The following MAP2K1 variants were observed in gnomAD, a reference collection of about 807,000 sequenced individuals.
The protein encoded by MAP2K1 is dual specificity mitogen-activated protein kinase kinase 1.
MAP2K1 carries 16 observed loss-of-function variants against 46.3 expected under a neutral mutation model. That is an observed-to-expected ratio of 0.35 (90% CI 0.23 to 0.52). The LOEUF (loss-of-function observed/expected upper bound fraction) is 0.52, where lower values mean the gene tolerates loss of function less well. Among genes scored for constraint, MAP2K1 ranks in the 20% least tolerant of loss-of-function variants. The pLI, the probability that MAP2K1 is intolerant of heterozygous loss-of-function variation, is 0.94. For synonymous variants in MAP2K1, 183 were observed against 185.6 expected (o/e 0.99, Z 0.11); for missense variants, 263 against 497.1 (o/e 0.53, Z 4.48).
chr15:66,423,305 G>T (rs879864829), intron 1 of MAP2K1, among the ~76,000 whole-genome samples: 5 of 152,042 alleles, frequency 3.3e-5, no homozygotes, highest in Admixed American at 1.3e-4. Flanking sequence ...ATTAATCATA[G>T]TTATTTTAAG....
chr15:66,468,559 G>A (rs1156782967), intron 5 of MAP2K1, among the ~76,000 whole-genome samples: 1 of 152,102 alleles, frequency 6.6e-6, no homozygotes, highest in Non-Finnish European at 1.5e-5. Context: ...ATCTTAACTG[G>A]ATCTCTGAGT....
chr15:66,446,528 C>T (rs189813259), intron 5 of MAP2K1: 77 of 183,152 alleles, frequency 4.2e-4, no homozygotes, highest in African/African-American at 1.8e-3. Flanking sequence ...CAGAATTTGG[C>T]ACAAACTATG....
At chr15:66,402,094 C>T (rs2093383189) in intron 1 of MAP2K1, 4 of 840,108 alleles carry the variant, frequency 4.8e-6, no homozygotes, top group Non-Finnish European at 6.9e-6. Context: ...GTGGTTACTA[C>T]ATTGTTCCAT....
intron 1 of MAP2K1, among the ~76,000 whole-genome samples, chr15:66,420,775 A>G (rs184412119): frequency 0.19 from 5,057 of 26,288 alleles, 1,001 homozygotes; most frequent in South Asian, 0.32. Context: ...GTGTATATAT[A>G]TGTGTATATA....
intron 3 of MAP2K1, among the ~76,000 whole-genome samples, chr15:66,442,529 A>ACTT (rs2093507273): frequency 6.6e-6 from 1 of 152,024 alleles, no homozygotes; most frequent in Admixed American, 6.6e-5. Flanking sequence ...TGTCTGTATC[A>ACTT]CTTTCTTAGG....
intron 5 of MAP2K1, among the ~76,000 whole-genome samples, chr15:66,463,358 C>G (rs964877469): frequency 1.3e-5 from 2 of 152,178 alleles, no homozygotes. Flanking sequence ...GGTGTGAACC[C>G]CAAATATCTG....
At chr15:66,421,007 G>A (rs1331094045) in intron 1 of MAP2K1, among the ~76,000 whole-genome samples, 1 of 13,802 alleles carries the variant, frequency 7.2e-5, no homozygotes, top group East Asian at 2.6e-3. Flanking sequence ...ATATACACGT[G>A]CATATATATA....
chr15:66,422,641 T>G (rs1181790057), intron 1 of MAP2K1, among the ~76,000 whole-genome samples: 1 of 152,198 alleles, frequency 6.6e-6, no homozygotes, highest in East Asian at 1.9e-4. Context: ...ATAAATGACT[T>G]TAAGGTTGAC....
intron 1 of MAP2K1, among the ~76,000 whole-genome samples, chr15:66,392,692 T>C (rs1262444336): frequency 6.6e-6 from 1 of 151,874 alleles, no homozygotes; most frequent in Non-Finnish European, 1.5e-5. Context: ...TAGCTGGGAT[T>C]ACAGGCATGT....
intron 1 of MAP2K1, among the ~76,000 whole-genome samples, chr15:66,399,665 C>T (rs2093376899): frequency 6.6e-6 from 1 of 152,160 alleles, no homozygotes; most frequent in Non-Finnish European, 1.5e-5. Context: ...GGCACGATCT[C>T]ATGTCACTGC....
At chr15:66,488,438 C>G (rs1893124606) in intron 8 of MAP2K1, among the ~76,000 whole-genome samples, 1 of 152,138 alleles carries the variant, frequency 6.6e-6, no homozygotes, top group African/African-American at 2.4e-5. Flanking sequence ...TACATCAGAG[C>G]AGTGACATCA....
chr15:66,433,730 A>G (rs1451700554), intron 1 of MAP2K1, among the ~76,000 whole-genome samples: 1 of 152,138 alleles, frequency 6.6e-6, no homozygotes, highest in African/African-American at 2.4e-5. Flanking sequence ...CAACATGATG[A>G]TGTATAATGA....
At chr15:66,468,506 A>G (rs1182913097) in intron 5 of MAP2K1, among the ~76,000 whole-genome samples, 1 of 152,228 alleles carries the variant, frequency 6.6e-6, no homozygotes. Context: ...AATCTATCAT[A>G]GGATTGTATA....
At chr15:66,452,294 AAAAAAAAAAG>A (rs1294820449) in intron 5 of MAP2K1, among the ~76,000 whole-genome samples, 8 of 27,274 alleles carry the variant, frequency 2.9e-4, no homozygotes, top group South Asian at 1.9e-3. Flanking sequence ...TAATAAAAAA[AAAAAAAAAAG>A]AAAAAAAAAA....
chr15:66,426,857 G>C (rs1358966177), intron 1 of MAP2K1, among the ~76,000 whole-genome samples: 4 of 152,172 alleles, frequency 2.6e-5, no homozygotes, highest in Non-Finnish European at 5.9e-5. Flanking sequence ...ATATCCTTCT[G>C]TAGTGTTACA....
intron 1 of MAP2K1, among the ~76,000 whole-genome samples, chr15:66,403,657 A>G (rs1028969174): frequency 6.6e-6 from 1 of 152,214 alleles, no homozygotes; most frequent in African/African-American, 2.4e-5. Flanking sequence ...TTCAGGTTAA[A>G]TTTAGAAATT....
At chr15:66,419,899 C>CA (rs35562020) in intron 1 of MAP2K1, among the ~76,000 whole-genome samples, 127,076 of 150,494 alleles carry the variant, frequency 0.84, 54,880 homozygotes, top group East Asian at 1. Flanking sequence ...ATGACATAAA[C>CA]AAAAAAAAAG....
chr15:66,483,748 C>CT (rs750947705), intron 6 of MAP2K1, among the ~76,000 whole-genome samples: 4,379 of 130,996 alleles, frequency 0.033, 190 homozygotes, highest in African/African-American at 0.069. Flanking sequence ...CATACATTTT[C>CT]TTTTTTTTTT....
chr15:66,461,515 A>AATAG (rs71287023), intron 5 of MAP2K1, among the ~76,000 whole-genome samples: 2 of 142,484 alleles, frequency 1.4e-5, no homozygotes, highest in Non-Finnish European at 3.2e-5. Context: ...TAAATAAATA[A>AATAG]TAAAATAATA....
Sources: allele counts gnomAD v4.1 joint callset (sites outside exome capture counted in the v4.1 genomes callset), GRCh38; gene constraint gnomAD v4.1.1; transcripts MANE v1.5; gene names NCBI Gene and HGNC (gene_info 2026-07-23, HGNC 2026-07-21).